Variants in EPHA6 observed in about 807,000 individuals in gnomAD.
The protein encoded by EPHA6 is EPH receptor A6, also known as ephrin type-A receptor 6.
EPHA6 carries 50 observed loss-of-function variants against 112.0 expected under a neutral mutation model. The observed-to-expected ratio is 0.45, with a 90% CI of 0.36 to 0.56. The LOEUF (loss-of-function observed/expected upper bound fraction) is 0.56. Ranked by LOEUF, EPHA6 falls within the 20% of genes least tolerant of loss-of-function variation. EPHA6 has a pLI of 0.00. For synonymous variants in EPHA6, 529 were observed against 490.7 expected (o/e 1.08, Z -1.03); for missense variants, 1,280 against 1,417.4 (o/e 0.90, Z 1.56).
chr3:96,826,233 A>G (rs1296988163), intron 1 of EPHA6, among the ~76,000 whole-genome samples: 1 of 152,060 alleles, frequency 6.6e-6, no homozygotes. Flanking sequence ...GGCTGTCAGA[A>G]TCTGACTTAT....
intron 3 of EPHA6, among the ~76,000 whole-genome samples, chr3:97,186,689 A>G (rs2077148185): frequency 6.6e-6 from 1 of 152,160 alleles, no homozygotes; most frequent in South Asian, 2.1e-4. Flanking sequence ...TGGTTCTTTC[A>G]ACCCTACAAA....
chr3:96,973,917 C>A (rs2042415736), intron 2 of EPHA6, among the ~76,000 whole-genome samples: 1 of 143,014 alleles, frequency 7.0e-6, no homozygotes, highest in African/African-American at 2.5e-5. Flanking sequence ...ATAATAGATT[C>A]TGTATATTAT....
chr3:97,471,596 T>C lies in EPHA6; in HGVS notation c.1895-3756T>C, dbSNP rs183471011. Among the ~76,000 whole-genome samples, 7 of 151,794 alleles carry C rather than the reference T, an allele frequency of 4.6e-5. No individual in the cohort carries two copies. The East Asian group carries it at 1.4e-3, about 29-fold the overall frequency. Reference sequence around the variant, plus strand: ...AGCTTCTACCTCCCAGAAAGCATTGTCTCCAAGCACACAGAGTAATTGGAT... The same window carrying C: ...AGCTTCTACCTCCCAGAAAGCATTGCCTCCAAGCACACAGAGTAATTGGAT... On this transcript the variant is annotated intron_variant, in intron 7 of 17. Coordinates refer to ENST00000389672, the MANE Select transcript of EPHA6 (RefSeq NM_001080448.3).
intron 5 of EPHA6, among the ~76,000 whole-genome samples, chr3:97,327,664 T>G (rs1281802995): frequency 6.6e-6 from 1 of 151,872 alleles, no homozygotes; most frequent in Non-Finnish European, 1.5e-5. Context: ...AAACATTAAA[T>G]TCTCTTCCAT....
At position 96,814,858 on chromosome 3, in the gene EPHA6, T is replaced by A; in HGVS notation, c.235T>A (p.Cys79Ser). Residue 79 changes from cysteine to serine, a missense_variant, in exon 1 of 18, where the codon TGC (cysteine) becomes AGC (serine). Physicochemically the swap from Cys to Ser is moderately radical, Grantham distance 112. Coordinates refer to ENST00000389672, the MANE Select transcript of EPHA6 (RefSeq NM_001080448.3). ...PHPTQNTCLR[C>S]RHFSLRERKR... ...TCCTACCCAGAACACCTGCCTGCGC[T>A]GCCGCCACTTCTCTTTAAGGGAGAG... 1 of 1,561,602 alleles carries A rather than the reference T, an allele frequency of 6.4e-7. No individual in the cohort carries two copies. Among genetic ancestry groups the A allele is most frequent in the Non-Finnish European group, 8.7e-7 (1 of 1,152,724 alleles).
chr3:96,999,363 G>C (rs2043544156), intron 3 of EPHA6, among the ~76,000 whole-genome samples: 1 of 151,964 alleles, frequency 6.6e-6, no homozygotes, highest in Non-Finnish European at 1.5e-5. Flanking sequence ...GCTTCATGCA[G>C]TAATTCAGGG....
At chr3:97,026,536 A>G (rs1263514651) in intron 3 of EPHA6, among the ~76,000 whole-genome samples, 1 of 152,056 alleles carries the variant, frequency 6.6e-6, no homozygotes, top group Non-Finnish European at 1.5e-5. Context: ...TGAGTGGCAA[A>G]TTGTCTGTGA....
At chr3:97,413,582 T>C (rs958738430) in intron 6 of EPHA6, among the ~76,000 whole-genome samples, 3 of 152,006 alleles carry the variant, frequency 2.0e-5, no homozygotes, top group Admixed American at 2.0e-4. Context: ...CTTTGAAAAG[T>C]GAGTGCAATG....
intron 2 of EPHA6, among the ~76,000 whole-genome samples, chr3:96,944,411 A>G (rs1367119016): frequency 4.6e-5 from 7 of 151,174 alleles, no homozygotes; most frequent in African/African-American, 1.7e-4. Context: ...TATGGTCCAT[A>G]TGATCTTATT....
At chr3:97,115,762 T>A (rs2047867593) in intron 3 of EPHA6, among the ~76,000 whole-genome samples, 1 of 151,888 alleles carries the variant, frequency 6.6e-6, no homozygotes, top group Non-Finnish European at 1.5e-5. Context: ...TATTATGCCC[T>A]AAATACTTTA....
intron 11 of EPHA6, among the ~76,000 whole-genome samples, chr3:97,558,233 C>T (rs981930721): frequency 6.6e-6 from 1 of 151,952 alleles, no homozygotes; most frequent in East Asian, 1.9e-4. Context: ...CAGCTGAAGG[C>T]ATATTTGTCT....
intron 5 of EPHA6, among the ~76,000 whole-genome samples, chr3:97,335,873 C>T (rs1226389211): frequency 6.6e-6 from 1 of 151,916 alleles, no homozygotes; most frequent in Non-Finnish European, 1.5e-5. Context: ...AGGAGTTCTG[C>T]TTGGTGGGGT....
At position 97,171,785 on chromosome 3, in the gene EPHA6, A is replaced by G. The variant is rs533250947; in HGVS notation, c.1115-54479A>G. ...CAGAAGATAATTTGAAAAAAAGCCT[A>G]TGTCATTTGTCAAAGGCAGAAAACA... On this transcript the variant is annotated intron_variant, in intron 3 of 17. Transcript: ENST00000389672. Among the ~76,000 whole-genome samples, 79 of 152,224 alleles carry G rather than the reference A, an allele frequency of 5.2e-4. 1 individual carries two copies. In the Middle Eastern group the frequency reaches 0.01, roughly 20 times the overall value.
At chr3:97,385,922 A>G (rs1389092742) in intron 5 of EPHA6, among the ~76,000 whole-genome samples, 1 of 152,136 alleles carries the variant, frequency 6.6e-6, no homozygotes, top group Admixed American at 6.6e-5. Flanking sequence ...TCATGATCCA[A>G]TCACCTCCTA....
Position 97,503,907 on chromosome 3 carries a change from A to G in EPHA6, c.2200+19848A>G, listed in dbSNP as rs184300497. On this transcript the variant is annotated intron_variant, in intron 10 of 17. Transcript: ENST00000389672. ...ATAACAATTGGAAGACTTAAATTTG[A>G]TAAGTAAAGGAAAATTTCAACCTCC... Among the ~76,000 whole-genome samples the G allele has an allele frequency of 3.3e-5, 5 of 152,280 alleles. No homozygotes were observed. In the East Asian group the frequency reaches 7.7e-4, roughly 23 times the overall value.
intron 3 of EPHA6, among the ~76,000 whole-genome samples, chr3:96,999,175 T>A (rs1441217305): frequency 6.6e-6 from 1 of 151,944 alleles, no homozygotes; most frequent in African/African-American, 2.4e-5. Context: ...GTAGGCTGAC[T>A]TTCTGGAAAT....
intron 10 of EPHA6, among the ~76,000 whole-genome samples, chr3:97,521,123 T>A (rs1003157278): frequency 1.3e-5 from 2 of 152,034 alleles, no homozygotes; most frequent in African/African-American, 2.4e-5. Context: ...GATTTCTTTG[T>A]ATTACTTATC....
At chr3:97,168,520 T>C (rs966745646) in intron 3 of EPHA6, among the ~76,000 whole-genome samples, 27 of 152,148 alleles carry the variant, frequency 1.8e-4, no homozygotes, top group African/African-American at 5.8e-4. Flanking sequence ...TCTCTCTGTG[T>C]TTCTCTGTGT....
chr3:97,335,717 T>C (rs1180654497), intron 5 of EPHA6, among the ~76,000 whole-genome samples: 1 of 152,120 alleles, frequency 6.6e-6, no homozygotes, highest in Admixed American at 6.6e-5. Flanking sequence ...CAGAGCCAAT[T>C]TATCAAGACA....
Sources: allele counts gnomAD v4.1 joint callset (sites outside exome capture counted in the v4.1 genomes callset), GRCh38; gene constraint gnomAD v4.1.1; transcripts MANE v1.5; gene names NCBI Gene and HGNC (gene_info 2026-07-23, HGNC 2026-07-21).